The following UNC5C variants were observed in gnomAD, a reference collection of about 807,000 sequenced individuals.
UNC5C encodes the protein netrin receptor UNC5C.
A neutral mutation model predicts 99.8 loss-of-function variants in UNC5C; 47 were observed. The observed-to-expected ratio is 0.47, with a 90% CI of 0.37 to 0.60. The LOEUF is 0.60. UNC5C is among the 20% of genes least tolerant of loss of function. UNC5C has a pLI of 0.00. For synonymous variants in UNC5C, 487 were observed against 452.2 expected (o/e 1.08, Z -0.98); for missense variants, 1,062 against 1,165.9 (o/e 0.91, Z 1.30).
chr4:95,441,257 T>C (rs1426188076), intron 1 of UNC5C, among the ~76,000 whole-genome samples: 1 of 152,176 alleles, frequency 6.6e-6, no homozygotes, highest in Non-Finnish European at 1.5e-5. Context: ...CCTGAACAAA[T>C]ATGGCTATGT....
chr4:95,278,941 A>C (rs1740957122), intron 3 of UNC5C, among the ~76,000 whole-genome samples: 1 of 152,152 alleles, frequency 6.6e-6, no homozygotes, highest in Non-Finnish European at 1.5e-5. Context: ...AAAGTTCATT[A>C]ATTGCTTTTT....
intron 14 of UNC5C, among the ~76,000 whole-genome samples, chr4:95,182,435 C>T (rs1262294019): frequency 6.6e-6 from 1 of 152,000 alleles, no homozygotes; most frequent in Non-Finnish European, 1.5e-5. Context: ...AGCAGAGAAG[C>T]CCCTCTCCTT....
At chr4:95,379,450 C>T (rs958161273) in intron 1 of UNC5C, among the ~76,000 whole-genome samples, 5 of 152,228 alleles carry the variant, frequency 3.3e-5, no homozygotes, top group African/African-American at 1.2e-4. Context: ...TTAAATTATG[C>T]GAAAACCTCT....
intron 4 of UNC5C, among the ~76,000 whole-genome samples, chr4:95,251,832 CAAAT>C (rs1739749280): frequency 6.6e-6 from 1 of 152,108 alleles, no homozygotes; most frequent in African/African-American, 2.4e-5. Context: ...CAGGGACTCT[CAAAT>C]AATGCTCCTC....
chr4:95,457,599 T>C (rs1362765404), intron 1 of UNC5C, among the ~76,000 whole-genome samples: 1 of 151,824 alleles, frequency 6.6e-6, no homozygotes, highest in Non-Finnish European at 1.5e-5. Context: ...GCTGTTAATA[T>C]TTCAGCAGCT....
At chr4:95,172,407 G>T (rs1020490564) in intron 14 of UNC5C, among the ~76,000 whole-genome samples, 5 of 151,792 alleles carry the variant, frequency 3.3e-5, no homozygotes, top group African/African-American at 1.2e-4. Context: ...ATCTCGAATT[G>T]ATTTTTGTAT....
At chr4:95,426,043 T>C (rs1020837508) in intron 1 of UNC5C, among the ~76,000 whole-genome samples, 4 of 152,222 alleles carry the variant, frequency 2.6e-5, no homozygotes, top group Admixed American at 2.6e-4. Flanking sequence ...ATTGCACTTT[T>C]CTTTATTGTA....
chr4:95,470,009 C>A (rs990174372), intron 1 of UNC5C, among the ~76,000 whole-genome samples: 2 of 152,116 alleles, frequency 1.3e-5, no homozygotes, highest in African/African-American at 4.8e-5. Context: ...TTATTTAATA[C>A]TGCATCTTTA....
intron 1 of UNC5C, among the ~76,000 whole-genome samples, chr4:95,435,916 C>T (rs1344909685): frequency 6.6e-6 from 1 of 151,938 alleles, no homozygotes; most frequent in Non-Finnish European, 1.5e-5. Context: ...AATCCTATTT[C>T]CCCCACAAAC....
At chr4:95,358,926 T>C (rs1744297847) in intron 1 of UNC5C, among the ~76,000 whole-genome samples, 1 of 152,224 alleles carries the variant, frequency 6.6e-6, no homozygotes, top group South Asian at 2.1e-4. Context: ...GAAACTGTTA[T>C]TCTGTAGAAG....
chr4:95,462,786 T>A (rs975642558), intron 1 of UNC5C, among the ~76,000 whole-genome samples: 3 of 152,224 alleles, frequency 2.0e-5, no homozygotes, highest in Non-Finnish European at 4.4e-5. Flanking sequence ...TTCTTGTTGA[T>A]ATTCAAGACA....
chr4:95,480,383 G>A (rs1312551747), intron 1 of UNC5C, among the ~76,000 whole-genome samples: 4 of 151,768 alleles, frequency 2.6e-5, no homozygotes, highest in African/African-American at 9.7e-5. Context: ...AATAGTTTAG[G>A]AAAGAGTTGT....
intron 14 of UNC5C, among the ~76,000 whole-genome samples, chr4:95,176,631 A>G (rs1442976643): frequency 1.3e-5 from 2 of 152,132 alleles, no homozygotes; most frequent in African/African-American, 2.4e-5. Context: ...TGGGAGAACC[A>G]CTGCTCTCTT....
chr4:95,282,385 A>G (rs1482146758), intron 3 of UNC5C, among the ~76,000 whole-genome samples: 1 of 152,180 alleles, frequency 6.6e-6, no homozygotes, highest in Non-Finnish European at 1.5e-5. Context: ...AGGAGTGGCC[A>G]GGAAGTGGGG....
chr4:95,374,987 T>A (rs1744852667), intron 1 of UNC5C, among the ~76,000 whole-genome samples: 1 of 152,170 alleles, frequency 6.6e-6, no homozygotes, highest in South Asian at 2.1e-4. Flanking sequence ...ATGAAACAGT[T>A]GAATTGATAT....
intron 1 of UNC5C, among the ~76,000 whole-genome samples, chr4:95,380,274 G>T (rs1042079457): frequency 1.3e-5 from 2 of 151,938 alleles, no homozygotes; most frequent in Admixed American, 6.6e-5. Flanking sequence ...AAATAATATA[G>T]AACAGTTCAA....
At chr4:95,415,435 T>C (rs1746133708) in intron 1 of UNC5C, among the ~76,000 whole-genome samples, 1 of 151,864 alleles carries the variant, frequency 6.6e-6, no homozygotes, top group Non-Finnish European at 1.5e-5. Flanking sequence ...AGGGATCAGA[T>C]GATTCATAGC....
At chr4:95,185,798 A>C (rs1579209405) in intron 12 of UNC5C, among the ~76,000 whole-genome samples, 1 of 152,362 alleles carries the variant, frequency 6.6e-6, no homozygotes, top group East Asian at 1.9e-4. Context: ...AAAAATTAGA[A>C]TATGCTAATT....
chr4:95,392,221 C>T (rs552984516), intron 1 of UNC5C, among the ~76,000 whole-genome samples: 2 of 152,106 alleles, frequency 1.3e-5, no homozygotes, highest in East Asian at 3.9e-4. Context: ...CCTTCACTCC[C>T]TAGAAACTTA....
Sources: gnomAD v4.1 joint callset for allele counts (sites outside exome capture counted in the v4.1 genomes callset) on GRCh38, gnomAD v4.1.1 for gene constraint, MANE v1.5 for transcripts, NCBI Gene and HGNC (gene_info 2026-07-23, HGNC 2026-07-21) for gene names.